CTNNA3: variants seen among roughly 807,000 people sequenced by gnomAD.
The protein encoded by CTNNA3 is catenin alpha 3.
In CTNNA3, 76 loss-of-function variants were observed where a neutral mutation model predicts 95.7. The ratio of observed to expected loss-of-function variants is 0.79; its 90% confidence interval spans 0.66 to 0.96. The LOEUF (loss-of-function observed/expected upper bound fraction) is 0.96. Among genes scored for constraint, CTNNA3 ranks in the 40% least tolerant of loss-of-function variants. CTNNA3 has a pLI of 0.00. For missense variants in CTNNA3, 1,191 were observed against 1,089.8 expected, an observed-to-expected ratio of 1.09 and a Z score of -1.31; for synonymous variants, 431 against 374.4, an observed-to-expected ratio of 1.15 and a Z score of -1.74.
intron 9 of CTNNA3, among the ~76,000 whole-genome samples, chr10:66,670,099 T>G (rs7083104): frequency 0.021 from 3,271 of 152,270 alleles, 117 homozygotes; most frequent in African/African-American, 0.075. Context: ...TTCTTTCAAT[T>G]ATTTCTGACA....
intron 5 of CTNNA3, among the ~76,000 whole-genome samples, chr10:67,403,953 A>G (rs536686666): frequency 6.6e-6 from 1 of 152,358 alleles, no homozygotes; most frequent in Admixed American, 6.5e-5. Flanking sequence ...GCAGCCGCCC[A>G]GCAAATCATA....
At chr10:66,539,938 C>A (rs74655914) in intron 10 of CTNNA3, among the ~76,000 whole-genome samples, 1 of 151,958 alleles carries the variant, frequency 6.6e-6, no homozygotes, top group Non-Finnish European at 1.5e-5. Flanking sequence ...GGTAAAATAC[C>A]TATAATAGTC....
chr10:66,821,070 C>A (rs1482784481), intron 7 of CTNNA3, among the ~76,000 whole-genome samples: 2 of 151,884 alleles, frequency 1.3e-5, no homozygotes, highest in African/African-American at 2.4e-5. Context: ...ATGGATATAC[C>A]TGAAGCAAAT....
Position 66,069,382 on chromosome 10 carries a change from A to G in CTNNA3, c.2085T>C (p.Asp695=), listed in dbSNP as rs2080381135. ...SKLDAEIEIW[D]DTSNDIIVLA... is the part of the protein sequence containing the mutation. ...GAACAATGATGTCGTTGCTTGTATC[A>G]TCCCATATCTCAATCTCAGCATCCA... is the stretch of plus-strand genomic sequence containing the variant. The change falls in exon 15 of 18, where the codon GAT becomes GAC. Residue 695 remains aspartate, a synonymous_variant. Coordinates refer to ENST00000433211, the MANE Select transcript of CTNNA3 (RefSeq NM_013266.4). 1 of 1,613,590 alleles carries G rather than the reference A, an allele frequency of 6.2e-7. No homozygotes were observed. Among genetic ancestry groups the G allele is most frequent in the Non-Finnish European group, 8.5e-7 (1 of 1,179,758 alleles).
At chr10:66,680,917 G>T (rs191745110) in intron 9 of CTNNA3, among the ~76,000 whole-genome samples, 2 of 152,248 alleles carry the variant, frequency 1.3e-5, no homozygotes, top group East Asian at 3.9e-4. Flanking sequence ...AGGTAGACAG[G>T]AGAGCATTGA....
chr10:66,448,209 A>G (rs1054713748), intron 11 of CTNNA3, among the ~76,000 whole-genome samples: 12 of 152,254 alleles, frequency 7.9e-5, no homozygotes, highest in African/African-American at 2.9e-4. Context: ...AGAAATAGGA[A>G]CACTTTTACA....
chr10:67,420,900 T>C (rs1845726734), intron 5 of CTNNA3, among the ~76,000 whole-genome samples: 1 of 152,180 alleles, frequency 6.6e-6, no homozygotes, highest in Non-Finnish European at 1.5e-5. Context: ...GTGTCTTTTA[T>C]CAAACTTAAT....
chr10:67,346,607 G>A, intron 5 of CTNNA3: 1 of 424,710 alleles, frequency 2.4e-6, no homozygotes. Flanking sequence ...AGGGCACACT[G>A]TATATGGACA....
At chr10:67,741,072 C>A (rs1370125200) in intron 1 of CTNNA3, among the ~76,000 whole-genome samples, 2 of 150,908 alleles carry the variant, frequency 1.3e-5, no homozygotes, top group Non-Finnish European at 3.0e-5. Flanking sequence ...AAAAAACAAA[C>A]ACCGCATATT....
intron 11 of CTNNA3, among the ~76,000 whole-genome samples, chr10:66,469,608 A>C (rs1839054552): frequency 6.6e-6 from 1 of 151,934 alleles, no homozygotes; most frequent in Admixed American, 6.6e-5. Context: ...AAGTCTGTGC[A>C]TGAGAAGTTC....
At chr10:66,666,064 T>C (rs760040976) in intron 9 of CTNNA3, among the ~76,000 whole-genome samples, 4 of 152,096 alleles carry the variant, frequency 2.6e-5, no homozygotes, top group Non-Finnish European at 5.9e-5. Context: ...TCCAACACAT[T>C]GCAGGCGAGA....
intron 10 of CTNNA3, among the ~76,000 whole-genome samples, chr10:66,581,080 A>C (rs557773380): frequency 3.7e-4 from 56 of 151,768 alleles, no homozygotes; most frequent in African/African-American, 1.3e-3. Flanking sequence ...ACATTATTCC[A>C]TTCTTTTTAT....
At chr10:66,595,802 AATTT>A (rs530253652) in intron 10 of CTNNA3, among the ~76,000 whole-genome samples, 12 of 151,506 alleles carry the variant, frequency 7.9e-5, no homozygotes, top group South Asian at 4.2e-4. Flanking sequence ...GTACTTAGCT[AATTT>A]ATTTATTTAT....
chr10:66,464,905 C>A (rs183609911), intron 11 of CTNNA3, among the ~76,000 whole-genome samples: 46 of 151,942 alleles, frequency 3.0e-4, no homozygotes, highest in African/African-American at 1.1e-3. Context: ...AAGATCTCAA[C>A]TTTTAAACAT....
rs139858929 is a variant in CTNNA3 at position 67,307,701 on chromosome 10, T to C, written c.580-87831A>G. Among the ~76,000 whole-genome samples, 544 of 152,290 alleles carry C rather than the reference T, an allele frequency of 3.6e-3. 3 individuals are homozygous for C. The highest frequency in any genetic ancestry group is 5.3e-3 in the Admixed American group (81 of 15,288). The stretch of plus-strand genomic sequence containing the variant: ...TGAGTCCTGCTTTGCCTATCACCTC[T>C]TTCTAAGACTGAGTGTACAACCTAT... On this transcript the variant is annotated intron_variant, in intron 5 of 17. Transcript: ENST00000433211.
At chr10:67,182,597 C>A (rs1024217862) in intron 6 of CTNNA3, among the ~76,000 whole-genome samples, 58 of 152,074 alleles carry the variant, frequency 3.8e-4, no homozygotes, top group African/African-American at 1.3e-3. Context: ...AGAAGAAAAC[C>A]TAGGCAATAC....
chr10:67,669,996 A>C (rs1227067404), intron 1 of CTNNA3, among the ~76,000 whole-genome samples: 4 of 152,258 alleles, frequency 2.6e-5, no homozygotes, highest in African/African-American at 9.6e-5. Flanking sequence ...TTAAAGGGAC[A>C]CTAACACATA....
At chr10:65,956,734 T>C (rs897777657) in intron 17 of CTNNA3, among the ~76,000 whole-genome samples, 1 of 152,240 alleles carries the variant, frequency 6.6e-6, no homozygotes, top group Non-Finnish European at 1.5e-5. Flanking sequence ...CTAGTTTGAT[T>C]GCACTGTGGT....
At chr10:67,487,386 T>C (rs527777893) in intron 5 of CTNNA3, among the ~76,000 whole-genome samples, 1 of 152,266 alleles carries the variant, frequency 6.6e-6, no homozygotes, top group African/African-American at 2.4e-5. Context: ...GCAGCTGGCC[T>C]TTACAGCAGG....
Sources: gnomAD v4.1 joint callset for allele counts (sites outside exome capture counted in the v4.1 genomes callset) on GRCh38, gnomAD v4.1.1 for gene constraint, MANE v1.5 for transcripts, NCBI Gene and HGNC (gene_info 2026-07-23, HGNC 2026-07-21) for gene names.